The following DTNBP1 variants were observed in gnomAD, a reference collection of about 807,000 sequenced individuals.
The protein encoded by DTNBP1 is dystrobrevin binding protein 1.
In DTNBP1, 35 loss-of-function variants were observed where a neutral mutation model predicts 42.8. That is an observed-to-expected ratio of 0.82 (90% CI 0.63 to 1.09). The LOEUF (loss-of-function observed/expected upper bound fraction) is 1.09, where lower values mean the gene tolerates loss of function less well. Ranked by LOEUF, DTNBP1 falls within the 50% of genes least tolerant of loss-of-function variation. The pLI, the probability that DTNBP1 is intolerant of heterozygous loss-of-function variation, is 0.00. For synonymous variants in DTNBP1, 171 were observed against 162.2 expected, an observed-to-expected ratio of 1.05 and a Z score of -0.41; for missense variants, 457 against 424.2, an observed-to-expected ratio of 1.08 and a Z score of -0.68.
intron 8 of DTNBP1, among the ~76,000 whole-genome samples, chr6:15,531,665 T>C (rs1232348649): frequency 6.6e-6 from 1 of 152,220 alleles, no homozygotes; most frequent in African/African-American, 2.4e-5. Flanking sequence ...GATGGAGTCT[T>C]GCTCTGTCGC....
At chr6:15,627,098 T>C (rs1220353163) in intron 5 of DTNBP1, among the ~76,000 whole-genome samples, 1 of 152,214 alleles carries the variant, frequency 6.6e-6, no homozygotes, top group Non-Finnish European at 1.5e-5. Flanking sequence ...TGAGTCACTT[T>C]AAGAATCAAC....
chr6:15,612,709 C>A (rs575276233), intron 6 of DTNBP1, among the ~76,000 whole-genome samples: 3 of 152,166 alleles, frequency 2.0e-5, no homozygotes, highest in Admixed American at 6.5e-5. Flanking sequence ...ATTTCACACA[C>A]GAGAAAACCA....
chr6:15,529,117 T>C (rs1772632047), intron 8 of DTNBP1, among the ~76,000 whole-genome samples: 1 of 152,014 alleles, frequency 6.6e-6, no homozygotes, highest in Admixed American at 6.5e-5. Context: ...AGACCCTGTC[T>C]CTCCAAAAAA....
chr6:15,620,437 G>A (rs1183533474), intron 5 of DTNBP1, among the ~76,000 whole-genome samples: 3 of 151,976 alleles, frequency 2.0e-5, no homozygotes, highest in South Asian at 2.1e-4. Context: ...ATCTTCCTGC[G>A]TTGGCCTCCC....
chr6:15,641,226 T>C (rs1760330661), intron 3 of DTNBP1, among the ~76,000 whole-genome samples: 1 of 152,198 alleles, frequency 6.6e-6, no homozygotes, highest in African/African-American at 2.4e-5. Flanking sequence ...CGTGTTTTTG[T>C]TTTTGTTTTT....
At chr6:15,564,688 A>C (rs762005612) in intron 7 of DTNBP1, among the ~76,000 whole-genome samples, 5 of 152,050 alleles carry the variant, frequency 3.3e-5, no homozygotes, top group Non-Finnish European at 7.4e-5. Context: ...GATTACAGGC[A>C]TAAGCCCACC....
At chr6:15,630,792 C>T (rs879758885) in intron 4 of DTNBP1, among the ~76,000 whole-genome samples, 2 of 152,108 alleles carry the variant, frequency 1.3e-5, no homozygotes, top group Non-Finnish European at 2.9e-5. Flanking sequence ...GGCATATGTG[C>T]CTGTAGTCCC....
Position 15,584,792 on chromosome 6 carries a change from C to T in DTNBP1, c.511+8267G>A, listed in dbSNP as rs1257422936. Among the ~76,000 whole-genome samples the T allele has an allele frequency of 2.1e-4, 30 of 141,388 alleles. 1 individual carries two copies. The highest frequency in any genetic ancestry group is 7.3e-4 in the African/African-American group (28 of 38,116). The allele number at this position is 141,388 out of a possible 152,430, so 92.8% of individuals were successfully genotyped here. A position where few individuals can be genotyped will look rare whatever the true frequency, so the allele number is the denominator to read the frequency against. The stretch of plus-strand genomic sequence containing the variant: ...TGTATATAACATGCCATAACGTATG[C>T]CAACTAAAAGAAATAACAGGGAGTT... On this transcript the variant is annotated intron_variant, in intron 7 of 9. Coordinates refer to ENST00000344537, the MANE Select transcript of DTNBP1 (RefSeq NM_032122.5).
rs561001975 is a variant in DTNBP1 at position 15,595,250 on chromosome 6, CTTTTTTTTTTTTTTT to C, written c.489-2184_489-2170del. On this transcript the variant is annotated intron_variant, in intron 6 of 9. Coordinates refer to ENST00000344537, the MANE Select transcript of DTNBP1 (RefSeq NM_032122.5). ...AAAGAAAAAAATCAGTATTATGCAA[CTTTTTTTTTTTTTTT>C]TTTTTTTTTTTTTTTTTGAGACAGA... The C allele has an allele frequency of 7.9e-3, 2,432 of 309,088 alleles. 6 individuals are homozygous for C. The highest frequency in any genetic ancestry group is 0.06 in the Middle Eastern group (79 of 1,312). The allele number at this position is 309,088 out of a possible 1,614,324, so 19.1% of individuals were successfully genotyped here.
At chr6:15,525,295 C>G (rs1772306249) in intron 8 of DTNBP1, among the ~76,000 whole-genome samples, 1 of 152,198 alleles carries the variant, frequency 6.6e-6, no homozygotes, top group South Asian at 2.1e-4. Context: ...ACGGGATGCC[C>G]CACAGGTCTT....
intron 6 of DTNBP1, among the ~76,000 whole-genome samples, chr6:15,611,845 C>T (rs947117857): frequency 6.6e-6 from 1 of 152,102 alleles, no homozygotes; most frequent in Non-Finnish European, 1.5e-5. Context: ...GAGTTACTTC[C>T]TATGGATGAG....
At chr6:15,546,063 C>CTTTTTTTT (rs34253215) in intron 7 of DTNBP1, 13 of 310,858 alleles carry the variant, frequency 4.2e-5, no homozygotes, top group South Asian at 7.1e-5. Context: ...ACCTCCAGTT[C>CTTTTTTTT]TTTTTTTTTT....
chr6:15,628,398 CTTTTTTTTTTTTT>C lies in DTNBP1; in HGVS notation c.223-936_223-924del, dbSNP rs70996561. Among the ~76,000 whole-genome samples the C allele has an allele frequency of 1.6e-4, 12 of 77,076 alleles. No homozygotes were observed. In the Admixed American group the frequency reaches 1.6e-3, roughly 10 times the overall value. The allele number at this position is 77,076 out of a possible 152,430, so 50.6% of individuals were successfully genotyped here. A position where few individuals can be genotyped will look rare whatever the true frequency, so the allele number is the denominator to read the frequency against. ...ATTTGTACATCTCAAGATTAAGGTT[CTTTTTTTTTTTTT>C]TTTTTTTTTTTGAGACGAAGTTTCG... is the stretch of plus-strand genomic sequence containing the variant. On this transcript the variant is annotated intron_variant, in intron 4 of 9. Coordinates refer to ENST00000344537, the MANE Select transcript of DTNBP1 (RefSeq NM_032122.5).
intron 5 of DTNBP1, among the ~76,000 whole-genome samples, chr6:15,622,579 A>G (rs1581404200): frequency 6.6e-6 from 1 of 152,356 alleles, no homozygotes; most frequent in East Asian, 1.9e-4. Flanking sequence ...ATGCATATAC[A>G]TAAAATACTA....
intron 7 of DTNBP1, among the ~76,000 whole-genome samples, chr6:15,580,189 CAAT>C (rs1156566031): frequency 6.6e-6 from 1 of 152,016 alleles, no homozygotes; most frequent in East Asian, 1.9e-4. Context: ...TTCATAACAA[CAAT>C]AAAAAGCCGA....
chr6:15,565,079 C>T (rs763649144), intron 7 of DTNBP1, among the ~76,000 whole-genome samples: 2 of 151,958 alleles, frequency 1.3e-5, no homozygotes, highest in Admixed American at 6.6e-5. Flanking sequence ...GCACTGTAGC[C>T]GTGACAGAGC....
chr6:15,646,097 CA>C (rs1158621107), intron 3 of DTNBP1, among the ~76,000 whole-genome samples: 1 of 151,846 alleles, frequency 6.6e-6, no homozygotes, highest in Non-Finnish European at 1.5e-5. Flanking sequence ...AGTAACTTTT[CA>C]ACATACAAAA....
At chr6:15,619,354 A>G (rs904293593) in intron 5 of DTNBP1, among the ~76,000 whole-genome samples, 2 of 152,244 alleles carry the variant, frequency 1.3e-5, no homozygotes, top group Non-Finnish European at 2.9e-5. Flanking sequence ...ATTAAAAATA[A>G]TAATAAAAGC....
intron 7 of DTNBP1, 185 bp from the exon 8 acceptor site, chr6:15,533,580 C>A (rs753225334): frequency 9.0e-6 from 9 of 998,560 alleles, no homozygotes; most frequent in Non-Finnish European, 1.4e-5. Context: ...CTTCCTCCCC[C>A]TACCTGGGCG....
Sources: gnomAD v4.1 joint callset for allele counts (sites outside exome capture counted in the v4.1 genomes callset) on GRCh38, gnomAD v4.1.1 for gene constraint, MANE v1.5 for transcripts, NCBI Gene and HGNC (gene_info 2026-07-23, HGNC 2026-07-21) for gene names.